The following ATP13A4 variants were observed in gnomAD, a reference collection of about 807,000 sequenced individuals.
ATP13A4 encodes probable cation-transporting ATPase 13A4.
In ATP13A4, 114 loss-of-function variants were observed where a neutral mutation model predicts 142.5. The ratio of observed to expected loss-of-function variants is 0.80; its 90% CI spans 0.69 to 0.93. The LOEUF (loss-of-function observed/expected upper bound fraction) is 0.93, where lower values mean the gene tolerates loss of function less well. Ranked by LOEUF, ATP13A4 falls within the 40% of genes least tolerant of loss-of-function variation. The pLI, the probability that ATP13A4 is intolerant of heterozygous loss-of-function variation, is 0.00. For missense variants in ATP13A4, 1,392 were observed against 1,454.0 expected, an observed-to-expected ratio of 0.96 and a Z score of 0.69; for synonymous variants, 488 against 514.8, an observed-to-expected ratio of 0.95 and a Z score of 0.70.
chr3:193,423,690 G>T (rs560237999), intron 25 of ATP13A4, among the ~76,000 whole-genome samples: 1 of 149,834 alleles, frequency 6.7e-6, no homozygotes, highest in South Asian at 2.1e-4. Flanking sequence ...ATGCAATAAA[G>T]GTCATGTATG....
At position 193,466,040 on chromosome 3, in the gene ATP13A4, G is replaced by C. The variant is rs1488117958; in HGVS notation, c.1257C>G (p.Val419=). ...ATIGMIYTLC[V]YVLSGEPPEE... Reference sequence around the variant, plus strand: ...GACAGCTTACCCCACTAAGCACATAGACACACAGAGTATAGATCATCCCAA... The same window carrying C: ...GACAGCTTACCCCACTAAGCACATACACACACAGAGTATAGATCATCCCAA... Residue 419 remains valine (V), a synonymous_variant, in exon 11 of 30, where the codon GTC becomes GTG. Transcript: ENST00000342695. The C allele has an allele frequency of 6.2e-7, 1 of 1,614,006 alleles. No homozygotes were observed. The highest frequency in any genetic ancestry group is 1.1e-5 in the South Asian group (1 of 91,074).
At chr3:193,573,308 C>CGTATATATATATATATATTCTTATATAT (rs1229145689) in intron 2 of ATP13A4, among the ~76,000 whole-genome samples, 18 of 103,658 alleles carry the variant, frequency 1.7e-4, no homozygotes, top group East Asian at 4.9e-4. Flanking sequence ...TATATATATA[C>CGTATATATATATATATATTCTTATATAT]ATATATATAT....
chr3:193,531,325 A>G (rs1170781396), intron 1 of ATP13A4, among the ~76,000 whole-genome samples: 1 of 114,254 alleles, frequency 8.8e-6, no homozygotes, highest in East Asian at 3.1e-4. Flanking sequence ...GAAGGAAGGA[A>G]GGAAGGAAGG....
intron 14 of ATP13A4, chr3:193,458,608 T>C (rs577063747): frequency 1.8e-4 from 32 of 180,324 alleles, no homozygotes; most frequent in South Asian, 6.3e-4. Context: ...TTTTTGTTCT[T>C]TCTAGTCTTG....
At chr3:193,521,467 A>G (rs552674803) in intron 1 of ATP13A4, among the ~76,000 whole-genome samples, 275 of 152,322 alleles carry the variant, frequency 1.8e-3, no homozygotes, top group African/African-American at 6.3e-3. Flanking sequence ...GAATATATTT[A>G]ATGACAAAAT....
intron 14 of ATP13A4, chr3:193,458,632 TATGAAATTA>T (rs1378611419): frequency 1.1e-5 from 2 of 187,832 alleles, no homozygotes; most frequent in African/African-American, 4.7e-5. Context: ...ATAAAATCAA[TATGAAATTA>T]ATAGAAATAA....
Position 193,502,479 on chromosome 3 carries a change from A to G in ATP13A4, c.381+14T>C, listed in dbSNP as rs770930774. The G allele has an allele frequency of 4.3e-6, 7 of 1,612,914 alleles. No homozygotes were observed. The highest frequency in any genetic ancestry group is 5.9e-6 in the Non-Finnish European group (7 of 1,178,934). ...AATCTCTCTGACATCAGCAGTAGCC[A>G]TAAGTTTACTTACCTTTAGGTCTGG... On this transcript the variant is annotated intron_variant, in intron 3 of 29. Transcript: ENST00000342695.
intron 25 of ATP13A4, among the ~76,000 whole-genome samples, chr3:193,425,997 T>A (rs1355343539): frequency 6.6e-6 from 1 of 151,658 alleles, no homozygotes; most frequent in East Asian, 1.9e-4. Context: ...TATGTACAAA[T>A]ATGTGTTAAT....
chr3:193,518,672 G>A (rs531499329), intron 1 of ATP13A4, among the ~76,000 whole-genome samples: 22 of 152,302 alleles, frequency 1.4e-4, no homozygotes, highest in African/African-American at 4.1e-4. Context: ...AGTGTGTCAC[G>A]AACCAAAGAT....
chr3:193,563,072 T>C (rs1724053244), intron 2 of ATP13A4, among the ~76,000 whole-genome samples: 1 of 152,116 alleles, frequency 6.6e-6, no homozygotes, highest in Admixed American at 6.6e-5. Flanking sequence ...CAGTCTCGTG[T>C]CAGACAAATT....
intron 23 of ATP13A4, 22 bp downstream of exon 23, chr3:193,438,453 G>C: frequency 5.2e-6 from 8 of 1,545,052 alleles, no homozygotes; most frequent in Non-Finnish European, 7.2e-6. Flanking sequence ...AGAAAACAAT[G>C]TTTGAGGAAG....
At chr3:193,527,968 A>G (rs1220337959) in intron 1 of ATP13A4, among the ~76,000 whole-genome samples, 2 of 152,184 alleles carry the variant, frequency 1.3e-5, no homozygotes, top group East Asian at 3.9e-4. Flanking sequence ...CACATGTGAC[A>G]GCTTGCAACC....
intron 17 of ATP13A4, among the ~76,000 whole-genome samples, chr3:193,453,436 A>C (rs1453133531): frequency 6.6e-6 from 1 of 152,192 alleles, no homozygotes; most frequent in African/African-American, 2.4e-5. Flanking sequence ...AATGACATGA[A>C]AGGTGAAATA....
At chr3:193,590,113 G>A (rs74328762) in intron 1 of ATP13A4, among the ~76,000 whole-genome samples, 3,920 of 152,176 alleles carry the variant, frequency 0.026, 54 homozygotes, top group East Asian at 0.031. Context: ...CCAGGGCATC[G>A]CAGTAGAAAA....
At chr3:193,512,553 T>C (rs1295784338) in intron 2 of ATP13A4, among the ~76,000 whole-genome samples, 5 of 152,222 alleles carry the variant, frequency 3.3e-5, no homozygotes, top group African/African-American at 2.4e-5. Flanking sequence ...TCTCTAAATA[T>C]GGCCCCTTAT....
At chr3:193,451,166 T>C (rs1190782472) in intron 17 of ATP13A4, among the ~76,000 whole-genome samples, 1 of 152,146 alleles carries the variant, frequency 6.6e-6, no homozygotes, top group Non-Finnish European at 1.5e-5. Context: ...TTGAAGTGCA[T>C]GGGGGTTTGG....
intron 3 of ATP13A4, among the ~76,000 whole-genome samples, chr3:193,496,657 G>C (rs149390157): frequency 2.2e-4 from 34 of 152,210 alleles, no homozygotes; most frequent in African/African-American, 8.2e-4. Flanking sequence ...TGGGCATGGT[G>C]GTGGGTGCCT....
At position 193,442,518 on chromosome 3, in the gene ATP13A4, A is replaced by C; in HGVS notation, c.2191T>G (p.Ser731Ala). 1 of 1,614,060 alleles carries C rather than the reference A, an allele frequency of 6.2e-7. No individual in the cohort carries two copies. Among genetic ancestry groups the C allele is most frequent in the Non-Finnish European group, 8.5e-7 (1 of 1,179,944 alleles). Reference protein sequence around the residue: ...LQTAITVARKSGMVSESQKVI... With the variant: ...LQTAITVARKAGMVSESQKVI... ...TTCTGGCTTTCAGAAACCATTCCAG[A>C]TTTTCTGGCCACTGTTATTGCAGTC... is the stretch of plus-strand genomic sequence containing the variant. Residue 731 changes from serine to alanine, a missense_variant, in exon 19 of 30, where the codon TCT (serine) becomes GCT (alanine). By Grantham distance (99) the Ser-to-Ala change is moderately conservative. Transcript: ENST00000342695.
At chr3:193,518,032 G>A (rs1009594690) in intron 1 of ATP13A4, among the ~76,000 whole-genome samples, 1 of 152,150 alleles carries the variant, frequency 6.6e-6, no homozygotes, top group Non-Finnish European at 1.5e-5. Context: ...TTTTTTACCT[G>A]TTAGGTATTT....
Sources: allele counts gnomAD v4.1 joint callset (sites outside exome capture counted in the v4.1 genomes callset), GRCh38; gene constraint gnomAD v4.1.1; transcripts MANE v1.5; gene names NCBI Gene and HGNC (gene_info 2026-07-23, HGNC 2026-07-21).